MED12: variants seen among roughly 807,000 people sequenced by gnomAD.
MED12 encodes mediator complex subunit 12, also known as mediator of RNA polymerase II transcription subunit 12.
A neutral mutation model predicts 177.7 loss-of-function variants in MED12; 10 were observed. That is an observed-to-expected ratio of 0.06 (90% CI 0.03 to 0.10). The LOEUF is 0.10. MED12 is among the 10% of genes least tolerant of loss of function. The pLI, the probability that MED12 is intolerant of heterozygous loss-of-function variation, is 1.00. For missense variants in MED12, 867 were observed against 1,780.8 expected (o/e 0.49, Z 9.23); for synonymous variants, 641 against 678.4 (o/e 0.94, Z 0.86).
Position 71,122,852 on chromosome X carries a change from G to A in MED12, c.1463G>A (p.Gly488Glu). The A allele has an allele frequency of 8.3e-7, 1 of 1,211,504 alleles. No homozygotes were observed. The highest frequency in any genetic ancestry group is 1.1e-6 in the Non-Finnish European group (1 of 895,264). ...DSLCNRIFGL[G>E]PSKDGHEISS... The stretch of plus-strand genomic sequence containing the variant: ...CTTTGTAACCGAATCTTTGGATTGG[G>A]ACCTAGCAAGGATGGGCATGAGGTA... Residue 488 changes from glycine (G) to glutamate (E), a missense_variant, in exon 10 of 45, where the codon GGA (glycine) becomes GAA (glutamate). Physicochemically the swap from Gly to Glu is moderately conservative, Grantham distance 98. Coordinates refer to ENST00000374080, the MANE Select transcript of MED12 (RefSeq NM_005120.3).
intron 23 of MED12, 65 bp from the exon 24 acceptor site, chrX:71,128,533 G>A: frequency 8.3e-7 from 1 of 1,209,732 alleles, no homozygotes; most frequent in Non-Finnish European, 1.1e-6. Flanking sequence ...TCCGTAGAGT[G>A]GAGGCACACC....
chrX:71,142,061 A>G (rs1262918828), intron 44 of MED12, 97 bp downstream of exon 44: 1 of 1,103,904 alleles, frequency 9.1e-7, no homozygotes. Flanking sequence ...GGCCCAGGTT[A>G]TGAGAGGAGG....
At chrX:71,132,713 G>A (rs1379335839) in intron 31 of MED12, 132 bp from the exon 32 acceptor site, 2 of 838,786 alleles carry the variant, frequency 2.4e-6, no homozygotes, top group African/African-American at 4.1e-5. Flanking sequence ...TGGAGAATGA[G>A]GTTGGAAGTT....
intron 28 of MED12, among the ~76,000 whole-genome samples, chrX:71,131,102 AGTTTGGAC>A (rs2092315831): frequency 9.3e-6 from 1 of 107,049 alleles, no homozygotes; most frequent in Admixed American, 1.0e-4. Context: ...ATTTTCAACT[AGTTTGGAC>A]TATTTAAATG....
chrX:71,134,500 T>C, intron 34 of MED12, 34 bp downstream of exon 34: 1 of 987,208 alleles, frequency 1.0e-6, no homozygotes, highest in African/African-American at 1.9e-5. Context: ...TGCAGTTTCA[T>C]ACCCAAGAAG....
At chrX:71,123,904 G>C (rs945026605) in intron 12 of MED12, among the ~76,000 whole-genome samples, 184 bp downstream of exon 12, 4 of 112,531 alleles carry the variant, frequency 3.6e-5, no homozygotes, top group African/African-American at 1.3e-4. Context: ...ACAGAGTAGA[G>C]AAATACAGAG....
rs1018272698 is a variant in MED12, at chrX:71,118,787, C to T, written c.33C>T (p.His11=). ...CCTTCGGGATCTTGAGCTACGAACA[C>T]CGGCCCCTGAAGCGGCCGCGGCTGG... MAAFGILSYE[H]RPLKRPRLGP... The change falls in exon 1 of 45, where the codon CAC becomes CAT. Residue 11 remains histidine (H), a synonymous_variant. Coordinates refer to ENST00000374080, the MANE Select transcript of MED12 (RefSeq NM_005120.3). 8.3e-7 allele frequency: 1 copy of T among 1,206,354 alleles called. No individual in the cohort carries two copies. Among genetic ancestry groups the T allele is most frequent in the Non-Finnish European group, 1.1e-6 (1 of 894,247 alleles).
rs61752446 is a variant in MED12, at chrX:71,125,383, G to A, written c.2259G>A (p.Arg753=). The change falls in exon 16 of 45, where the codon CGG becomes CGA. Residue 753 remains arginine (R), a synonymous_variant. Transcript: ENST00000374080. Reference sequence around the variant, plus strand: ...CATGCAGCCATGAGTGCAACCAGCGGTTGGTCGTACTGTTTGGGGTGGGAA... The same window carrying A: ...CATGCAGCCATGAGTGCAACCAGCGATTGGTCGTACTGTTTGGGGTGGGAA... ...EESCSHECNQ[R]LVVLFGVGKQ... 3,871 of 1,208,506 alleles carry A rather than the reference G, an allele frequency of 3.2e-3. 71 individuals are homozygous for A. In the African/African-American group the frequency reaches 0.06, roughly 19 times the overall value.
In MED12 at chrX:71,119,995, A is replaced by G; in HGVS notation, c.397-19A>G. On this transcript the variant is annotated intron_variant, in intron 3 of 44. Coordinates refer to ENST00000374080, the MANE Select transcript of MED12 (RefSeq NM_005120.3). Reference sequence around the variant, plus strand: ...TCATGGGGATAATAGAGACCTCACTATTTGCAATGTCCATCCAGGTCCCCA... The same window carrying G: ...TCATGGGGATAATAGAGACCTCACTGTTTGCAATGTCCATCCAGGTCCCCA... The G allele has an allele frequency of 1.7e-6, 2 of 1,211,295 alleles. No homozygotes were observed. Among genetic ancestry groups the G allele is most frequent in the Non-Finnish European group, 2.2e-6 (2 of 895,035 alleles).
In MED12 at chrX:71,136,023, C is replaced by A. The variant is rs553859804; in HGVS notation, c.5026-258C>A. Among the ~76,000 whole-genome samples the A allele has an allele frequency of 3.7e-5, 4 of 108,805 alleles. No individual in the cohort carries two copies. The South Asian group carries it at 1.6e-3, about 44-fold the overall frequency. The allele number at this position is 108,805 out of a possible 115,157, so 94.5% of individuals were successfully genotyped here. A position where few individuals can be genotyped will look rare whatever the true frequency, so the allele number is the denominator to read the frequency against. ...CGATCTTCTCTCCCCACACGCCCCC[C>A]GCCCCGTTAGTTCATCTCCTCTCCT... On this transcript the variant is annotated intron_variant, in intron 36 of 44. Coordinates refer to ENST00000374080, the MANE Select transcript of MED12 (RefSeq NM_005120.3).
At chrX:71,129,633 G>T (rs905293387) in intron 26 of MED12, 47 bp from the exon 27 acceptor site, 21 of 1,163,242 alleles carry the variant, frequency 1.8e-5, no homozygotes, top group Non-Finnish European at 2.4e-5. Context: ...CTCCACACGT[G>T]TTCCAATCTC....
chrX:71,141,247 ACAGCAG>A lies in MED12; in HGVS notation c.6303_6308del (p.Gln2114_Gln2115del), dbSNP rs766775649. ...TCTTATAGCAGCAGCAGCAACAGCA[ACAGCAG>A]CAGCAGCAGCAGCAGCAACAGCAAC... On this transcript the variant is annotated inframe_deletion, in exon 43 of 45. Coordinates refer to ENST00000374080, the MANE Select transcript of MED12 (RefSeq NM_005120.3). 55 of 1,159,380 alleles carry A rather than the reference ACAGCAG, an allele frequency of 4.7e-5. No homozygotes were observed. The highest frequency in any genetic ancestry group is 2.4e-4 in the Middle Eastern group (1 of 4,226).
chrX:71,119,543 G>T, intron 2 of MED12, 66 bp downstream of exon 2: 1 of 1,100,307 alleles, frequency 9.1e-7, no homozygotes, highest in East Asian at 3.2e-5. Flanking sequence ...AAGGCCCTGG[G>T]TTGGGAAGAC....
chrX:71,122,057 G>A, intron 7 of MED12, 143 bp from the exon 8 acceptor site: 1 of 890,219 alleles, frequency 1.1e-6, no homozygotes, highest in Non-Finnish European at 1.6e-6. Context: ...AGTGAAGGGA[G>A]GGGATCGGGG....
intron 11 of MED12, 100 bp downstream of exon 11, chrX:71,123,326 G>A: frequency 9.1e-7 from 1 of 1,095,051 alleles, no homozygotes; most frequent in Non-Finnish European, 1.3e-6. Flanking sequence ...CAGAGTTGAA[G>A]GTGTGAGAAC....
At chrX:71,137,478 A>G in intron 39 of MED12, 80 bp from the exon 40 acceptor site, 1 of 1,152,428 alleles carries the variant, frequency 8.7e-7, no homozygotes, top group Non-Finnish European at 1.2e-6. Context: ...CTTCACAAGG[A>G]CACTCAGGGT....
Position 71,141,230 on chromosome X carries a change from C to CTAT in MED12, c.6268_6269insTAT (p.Gln2090delinsLeuTer). On this transcript the variant is annotated stop_gained and protein_altering_variant and splice_region_variant, in exon 43 of 45. Coordinates refer to ENST00000374080, the MANE Select transcript of MED12 (RefSeq NM_005120.3). LOFTEE classifies it high-confidence loss of function. ...TGAAGTATCTTTTGTGTTCTTATAG[C>CTAT]AGCAGCAGCAACAGCAACAGCAGCA... 8.6e-7 allele frequency: 1 copy of CTAT among 1,165,450 alleles called. No individual in the cohort carries two copies. Among genetic ancestry groups the CTAT allele is most frequent in the Non-Finnish European group, 1.1e-6 (1 of 871,672 alleles).
intron 29 of MED12, 27 bp from the exon 30 acceptor site, chrX:71,132,046 C>T (rs772185256): frequency 8.3e-7 from 1 of 1,200,260 alleles, no homozygotes; most frequent in Non-Finnish European, 1.1e-6. Flanking sequence ...CCTATTTTAG[C>T]ACTTCTGTGC....
chrX:71,128,116 G>A lies in MED12; in HGVS notation c.3205G>A (p.Asp1069Asn), dbSNP rs770988288. ...MHVCVGHHDP[D>N]RVNDIAILCA... ...CGTCTGTGTGGGGCACCATGATCCC[G>A]ATAGGTATGGGGTGTACTGAGTGAG... The change falls in exon 22 of 45, where the codon GAT (aspartate) becomes AAT (asparagine). Residue 1069 changes from aspartate to asparagine, a missense_variant. Physicochemically the swap from Asp to Asn is conservative, Grantham distance 23. Coordinates refer to ENST00000374080, the MANE Select transcript of MED12 (RefSeq NM_005120.3). 2 of 1,205,405 alleles carry A rather than the reference G, an allele frequency of 1.7e-6. No homozygotes were observed. The highest frequency in any genetic ancestry group is 3.5e-5 in the African/African-American group (2 of 56,990).
Sources: gnomAD v4.1 joint callset for allele counts (sites outside exome capture counted in the v4.1 genomes callset) on GRCh38, gnomAD v4.1.1 for gene constraint, MANE v1.5 for transcripts, NCBI Gene and HGNC (gene_info 2026-07-23, HGNC 2026-07-21) for gene names.